The following FTO variants were observed in gnomAD, a reference collection of about 807,000 sequenced individuals.
FTO encodes alpha-ketoglutarate-dependent dioxygenase FTO.
Under a neutral mutation model 63.9 loss-of-function variants are expected in FTO, and 47 were observed. The ratio of observed to expected loss-of-function variants is 0.74; its 90% confidence interval spans 0.58 to 0.94. FTO has a LOEUF of 0.94. Ranked by LOEUF, FTO falls within the 40% of genes least tolerant of loss-of-function variation. The pLI is 0.00. For synonymous variants in FTO, 207 were observed against 224.4 expected (o/e 0.92, Z 0.69); for missense variants, 562 against 618.1 (o/e 0.91, Z 0.96).
At chr16:54,079,196 A>G (rs2086077573) in intron 8 of FTO, among the ~76,000 whole-genome samples, 3 of 152,204 alleles carry the variant, frequency 2.0e-5, no homozygotes, top group Admixed American at 2.0e-4. Context: ...CAGATATGCT[A>G]GGTACGCCCT....
Position 53,949,155 on chromosome 16 carries a change from T to G in FTO, c.1364+15046T>G, listed in dbSNP as rs556007584. Among the ~76,000 whole-genome samples the G allele has an allele frequency of 6.6e-5, 7 of 106,246 alleles. No homozygotes were observed. The South Asian group carries it at 2.0e-3, about 31-fold the overall frequency. 69.7% of individuals were successfully genotyped at this position (106,246 alleles called of 152,430 possible). On this transcript the variant is annotated intron_variant, in intron 8 of 8. Transcript: ENST00000471389. The stretch of plus-strand genomic sequence containing the variant: ...ATTCTCAGAAAGGAAGGACTGGGAC[T>G]TATTGCTAGTGAATCACCATTTCTC...
intron 5 of FTO, among the ~76,000 whole-genome samples, chr16:53,875,059 A>G (rs1366860299): frequency 6.6e-6 from 1 of 152,120 alleles, no homozygotes; most frequent in Non-Finnish European, 1.5e-5. Context: ...GAAGGTAGGT[A>G]AGGACGAACA....
intron 1 of FTO, among the ~76,000 whole-genome samples, chr16:53,734,251 C>G (rs1436536253): frequency 2.0e-5 from 3 of 152,062 alleles, no homozygotes; most frequent in African/African-American, 7.2e-5. Context: ...GATTTCTGGT[C>G]TATTATTTGG....
Position 53,780,942 on chromosome 16 carries a change from T to G in FTO, c.46-29198T>G, listed in dbSNP as rs531790724. Among the ~76,000 whole-genome samples the G allele has an allele frequency of 7.9e-5, 12 of 152,350 alleles. No homozygotes were observed. The East Asian group carries it at 2.1e-3, about 27-fold the overall frequency. ...AATCAAAAAATGTTAAATATTGCTA[T>G]TTTAATGTAATGTTATTAAAATCAT... is the stretch of plus-strand genomic sequence containing the variant. On this transcript the variant is annotated intron_variant, in intron 1 of 8. Coordinates refer to ENST00000471389, the MANE Select transcript of FTO (RefSeq NM_001080432.3).
chr16:54,076,520 C>A (rs1198814176), intron 8 of FTO, among the ~76,000 whole-genome samples: 1 of 152,176 alleles, frequency 6.6e-6, no homozygotes, highest in Non-Finnish European at 1.5e-5. Flanking sequence ...CCCGTTGAAA[C>A]TGTCTGTGAC....
intron 8 of FTO, among the ~76,000 whole-genome samples, chr16:53,989,290 C>G (rs1186566879): frequency 6.6e-6 from 1 of 152,078 alleles, no homozygotes; most frequent in Admixed American, 6.6e-5. Context: ...TGGCCTGTTA[C>G]AATAGTTAAG....
chr16:53,783,787 C>T (rs1313602143), intron 1 of FTO, among the ~76,000 whole-genome samples: 6 of 149,572 alleles, frequency 4.0e-5, no homozygotes, highest in African/African-American at 1.2e-4. Flanking sequence ...GACTTTGTCT[C>T]GGAAAAAAAA....
intron 1 of FTO, among the ~76,000 whole-genome samples, chr16:53,739,889 A>C (rs1168698924): frequency 1.3e-5 from 2 of 152,210 alleles, no homozygotes; most frequent in East Asian, 3.8e-4. Context: ...GTACTTAAAA[A>C]CACTTAAAAA....
At chr16:54,021,414 TGGCCATGTA>T (rs71146721) in intron 8 of FTO, among the ~76,000 whole-genome samples, 46,969 of 151,574 alleles carry the variant, frequency 0.31, 7,752 homozygotes, top group South Asian at 0.44. Context: ...TGGCTATACA[TGGCCATGTA>T]GGCCATGTAG....
At chr16:53,942,520 G>A (rs149611363) in intron 8 of FTO, among the ~76,000 whole-genome samples, 4 of 152,316 alleles carry the variant, frequency 2.6e-5, no homozygotes, top group African/African-American at 7.2e-5. Flanking sequence ...CCTGGGACAT[G>A]CCTCTGAATA....
intron 1 of FTO, among the ~76,000 whole-genome samples, chr16:53,747,016 G>A (rs947209619): frequency 1.4e-4 from 22 of 152,078 alleles, no homozygotes; most frequent in African/African-American, 5.3e-4. Context: ...ATCCAATGTT[G>A]CTGCAAATGA....
chr16:53,893,428 G>A (rs2151913427), intron 7 of FTO, among the ~76,000 whole-genome samples: 1 of 152,246 alleles, frequency 6.6e-6, no homozygotes, highest in South Asian at 2.1e-4. Context: ...TGCTTTCTGG[G>A]TAAAGAGAAA....
chr16:54,031,356 G>A (rs142090714), intron 8 of FTO, among the ~76,000 whole-genome samples: 1 of 152,206 alleles, frequency 6.6e-6, no homozygotes, highest in Non-Finnish European at 1.5e-5. Context: ...CTCAGGACCA[G>A]CTAAGTGAGG....
chr16:53,847,768 C>CAA (rs758088459), intron 4 of FTO, among the ~76,000 whole-genome samples: 1 of 111,752 alleles, frequency 8.9e-6, no homozygotes, highest in Admixed American at 9.2e-5. Context: ...AATTCCATCT[C>CAA]AAAAAAAAAA....
intron 8 of FTO, among the ~76,000 whole-genome samples, chr16:54,068,853 C>T (rs2085793140): frequency 6.6e-6 from 1 of 152,004 alleles, no homozygotes; most frequent in African/African-American, 2.4e-5. Context: ...TATTGAGATG[C>T]GGTAACTGTT....
chr16:53,786,791 T>C (rs941419926), intron 1 of FTO, among the ~76,000 whole-genome samples: 1 of 151,932 alleles, frequency 6.6e-6, no homozygotes, highest in African/African-American at 2.4e-5. Flanking sequence ...AGAGGCTGAG[T>C]GTGACTTGAA....
chr16:53,776,919 G>A (rs1253616783), intron 1 of FTO, among the ~76,000 whole-genome samples: 2 of 152,076 alleles, frequency 1.3e-5, no homozygotes. Flanking sequence ...TCAAGTGATA[G>A]CTTCTATTTT....
chr16:53,988,825 C>T (rs2143881601), intron 8 of FTO, among the ~76,000 whole-genome samples: 1 of 152,192 alleles, frequency 6.6e-6, no homozygotes, highest in East Asian at 1.9e-4. Context: ...CCTCATAATA[C>T]CTAGTATTAT....
At chr16:53,721,325 A>G (rs891034722) in intron 1 of FTO, among the ~76,000 whole-genome samples, 3 of 152,224 alleles carry the variant, frequency 2.0e-5, no homozygotes, top group Non-Finnish European at 4.4e-5. Flanking sequence ...CCCGAAGTAT[A>G]TAGACTAATA....
Sources: gnomAD v4.1 joint callset for allele counts (sites outside exome capture counted in the v4.1 genomes callset) on GRCh38, gnomAD v4.1.1 for gene constraint, MANE v1.5 for transcripts, NCBI Gene and HGNC (gene_info 2026-07-23, HGNC 2026-07-21) for gene names.